SPTAN1: variants seen among roughly 807,000 people sequenced by gnomAD.
The protein encoded by SPTAN1 is spectrin alpha chain, non-erythrocytic 1.
A neutral mutation model predicts 331.3 loss-of-function variants in SPTAN1; 61 were observed. The observed-to-expected ratio is 0.18, with a 90% CI of 0.15 to 0.23. SPTAN1 has a LOEUF of 0.23. Ranked by LOEUF, SPTAN1 falls within the 10% of genes least tolerant of loss-of-function variation. SPTAN1 has a pLI of 1.00. For synonymous variants in SPTAN1, 1,153 were observed against 1,173.9 expected, an observed-to-expected ratio of 0.98 and a Z score of 0.36; for missense variants, 2,043 against 3,147.9, an observed-to-expected ratio of 0.65 and a Z score of 8.40.
At chr9:128,573,614 G>C (rs1429649456) in intron 3 of SPTAN1, among the ~76,000 whole-genome samples, 1 of 150,180 alleles carries the variant, frequency 6.7e-6, no homozygotes. Flanking sequence ...GTGCCACCAT[G>C]CCCGGCTAAT....
intron 1 of SPTAN1, among the ~76,000 whole-genome samples, chr9:128,557,799 C>CTTTTTTTT: frequency 1.2e-5 from 1 of 85,006 alleles, no homozygotes; most frequent in Non-Finnish European, 2.2e-5. Flanking sequence ...TTAGAAATTT[C>CTTTTTTTT]TTTTTTTTTT....
intron 23 of SPTAN1, 119 bp from the exon 24 acceptor site, chr9:128,594,056 A>T: frequency 1.1e-6 from 1 of 932,450 alleles, no homozygotes. Context: ...GGGCATCATC[A>T]TTACAAACTC....
At chr9:128,555,620 C>CT (rs751209866) in intron 1 of SPTAN1, among the ~76,000 whole-genome samples, 132 of 49,436 alleles carry the variant, frequency 2.7e-3, no homozygotes, top group African/African-American at 5.2e-3. Context: ...TTTGCAAAGC[C>CT]TTTTTTTTTT....
At position 128,605,397 on chromosome 9, in the gene SPTAN1, C is replaced by T. The variant is rs766479818; in HGVS notation, c.3966C>T (p.Ser1322=). 1 of 1,614,208 alleles carries T rather than the reference C, an allele frequency of 6.2e-7. No homozygotes were observed. The highest frequency in any genetic ancestry group is 8.5e-7 in the Non-Finnish European group (1 of 1,180,046). Reference sequence around the variant, plus strand: ...GCACAGAGTTAAACCAGGCCTGGAGCAGCCTGGGGAAACGTGCAGATCAGC... The same window carrying T: ...GCACAGAGTTAAACCAGGCCTGGAGTAGCCTGGGGAAACGTGCAGATCAGC... ...EKCTELNQAW[S]SLGKRADQRK... The change falls in exon 31 of 57, where the codon AGC becomes AGT. Residue 1322 remains serine (S), a synonymous_variant. Coordinates refer to ENST00000372739, the MANE Select transcript of SPTAN1 (RefSeq NM_001130438.3).
Position 128,576,879 on chromosome 9 carries a change from C to G in SPTAN1, c.708C>G (p.Ala236=), listed in dbSNP as rs1004400579. The G allele has an allele frequency of 1.9e-6, 3 of 1,614,126 alleles. No homozygotes were observed. The East Asian group carries it at 6.7e-5, about 36-fold the overall frequency. ...IKTKQDEVNA[A]WQRLKGLALQ... is the part of the protein sequence containing the mutation. Reference sequence around the variant, plus strand: ...CTAAGCAGGATGAAGTCAATGCAGCCTGGCAGCGGCTGAAGGGCCTGGCTC... The same window carrying G: ...CTAAGCAGGATGAAGTCAATGCAGCGTGGCAGCGGCTGAAGGGCCTGGCTC... The change falls in exon 6 of 57, where the codon GCC becomes GCG. Residue 236 remains alanine, a synonymous_variant. Transcript: ENST00000372739.
intron 3 of SPTAN1, among the ~76,000 whole-genome samples, chr9:128,574,408 A>G (rs1236237851): frequency 6.6e-6 from 1 of 151,256 alleles, no homozygotes; most frequent in African/African-American, 2.4e-5. Flanking sequence ...GATTTTCCTG[A>G]TGTAAACTAG....
chr9:128,570,724 C>T (rs1178754684), intron 3 of SPTAN1, among the ~76,000 whole-genome samples: 1 of 147,636 alleles, frequency 6.8e-6, no homozygotes, highest in Non-Finnish European at 1.5e-5. Context: ...TGGCACGATC[C>T]CGGCTCACTG....
chr9:128,630,241 C>A, intron 51 of SPTAN1, 80 bp from the exon 52 acceptor site: 1 of 1,500,128 alleles, frequency 6.7e-7, no homozygotes, highest in Non-Finnish European at 9.3e-7. Flanking sequence ...CCAGGCATTG[C>A]TCTCTCTGAG....
chr9:128,565,764 A>G (rs1999831), intron 1 of SPTAN1, among the ~76,000 whole-genome samples: 148,080 of 152,338 alleles, frequency 0.97, 72,121 homozygotes, highest in East Asian at 1. Flanking sequence ...GGGTAACACA[A>G]TTTTATACCT....
chr9:128,594,078 TC>T, intron 23 of SPTAN1, 96 bp from the exon 24 acceptor site: 1 of 1,155,244 alleles, frequency 8.7e-7, no homozygotes, highest in Non-Finnish European at 1.3e-6. Flanking sequence ...TAGCCTGGAA[TC>T]CACATCTTGG....
At position 128,632,111 on chromosome 9, in the gene SPTAN1, C is replaced by T. The variant is rs768310260; in HGVS notation, c.6763-16C>T. 9 of 1,612,052 alleles carry T rather than the reference C, an allele frequency of 5.6e-6. No homozygotes were observed. Among genetic ancestry groups the T allele is most frequent in the Non-Finnish European group, 7.6e-6 (9 of 1,179,624 alleles). On this transcript the variant is annotated splice_polypyrimidine_tract_variant and intron_variant, in intron 52 of 56. Coordinates refer to ENST00000372739, the MANE Select transcript of SPTAN1 (RefSeq NM_001130438.3). The stretch of plus-strand genomic sequence containing the variant: ...GAGGGCCCCCGTCTGAGCATCTGTG[C>T]TCCCCACCCCTGCAGCGCAAGCACC...
rs755502313 is a variant in SPTAN1, at chr9:128,584,529, A to G, written c.2437+4A>G. On this transcript the variant is annotated splice_donor_region_variant and intron_variant, in intron 17 of 56. Coordinates refer to ENST00000372739, the MANE Select transcript of SPTAN1 (RefSeq NM_001130438.3). Reference sequence around the variant, plus strand: ...ATTGCCGCATCTACCAACAGAGGTCAGTCTGCTTCCCTCAGGTAGGAATCA... The same window carrying G: ...ATTGCCGCATCTACCAACAGAGGTCGGTCTGCTTCCCTCAGGTAGGAATCA... The G allele has an allele frequency of 6.2e-7, 1 of 1,614,048 alleles. No homozygotes were observed. The highest frequency in any genetic ancestry group is 8.5e-7 in the Non-Finnish European group (1 of 1,180,026).
At chr9:128,571,977 C>T (rs572986011) in intron 3 of SPTAN1, among the ~76,000 whole-genome samples, 20 of 152,330 alleles carry the variant, frequency 1.3e-4, no homozygotes, top group African/African-American at 4.6e-4. Flanking sequence ...CCACCTCAGC[C>T]TCCCGAGTAG....
chr9:128,600,252 C>G (rs1480503964), intron 27 of SPTAN1, 137 bp downstream of exon 27: 4 of 941,020 alleles, frequency 4.3e-6, no homozygotes, highest in Non-Finnish European at 6.8e-6. Context: ...TGGTTTCTTT[C>G]TGAATCTGTT....
At chr9:128,580,793 C>G (rs889295599) in intron 10 of SPTAN1, 129 bp from the exon 11 acceptor site, 18 of 1,320,044 alleles carry the variant, frequency 1.4e-5, no homozygotes, top group South Asian at 9.7e-5. Flanking sequence ...TGTTTTTCCC[C>G]TTTTGCAAAT....
chr9:128,603,550 G>A lies in SPTAN1; in HGVS notation c.3587G>A (p.Arg1196His), dbSNP rs781124530. 7 of 1,614,056 alleles carry A rather than the reference G, an allele frequency of 4.3e-6. No individual in the cohort carries two copies. The highest frequency in any genetic ancestry group is 1.3e-5 in the African/African-American group (1 of 74,938). Residue 1196 changes from arginine (R) to histidine (H), a missense_variant, in exon 28 of 57, where the codon CGT (arginine) becomes CAT (histidine). Arg to His is a conservative substitution (Grantham distance 29). Coordinates refer to ENST00000372739, the MANE Select transcript of SPTAN1 (RefSeq NM_001130438.3). Reference protein sequence around the residue: ...SKTASPWKSARLMVHTVATFN... With the variant: ...SKTASPWKSAHLMVHTVATFN... ...GCTTTCCTCCCTACCTAGTCTGCTC[G>A]TCTGATGGTTCACACCGTGGCCACC...
chr9:128,597,776 G>A (rs771838658), intron 24 of SPTAN1, among the ~76,000 whole-genome samples: 10 of 152,036 alleles, frequency 6.6e-5, no homozygotes, highest in East Asian at 1.9e-4. Context: ...TCAACCTCCC[G>A]AACAGCTGGG....
chr9:128,627,524 C>A lies in SPTAN1; in HGVS notation c.6689+26C>A. 1 of 1,535,574 alleles carries A rather than the reference C, an allele frequency of 6.5e-7. No homozygotes were observed. The highest frequency in any genetic ancestry group is 8.8e-7 in the Non-Finnish European group (1 of 1,132,998). On this transcript the variant is annotated intron_variant, in intron 50 of 56. Coordinates refer to ENST00000372739, the MANE Select transcript of SPTAN1 (RefSeq NM_001130438.3). The surrounding 1 kb of genome is among the most constrained non-coding windows in gnomAD (Gnocchi z 4.9). ...GTGCCAGCCCGCTGGGGCCGGGGAG[C>A]AGCAGCATGTCCCTGCTGTACTTAA...
intron 51 of SPTAN1, chr9:128,628,864 T>A (rs544070220): frequency 8.6e-6 from 3 of 348,210 alleles, no homozygotes; most frequent in Non-Finnish European, 1.5e-5. Flanking sequence ...CCCATGCCTG[T>A]GTCTGCTGGT....
Sources: allele counts gnomAD v4.1 joint callset (sites outside exome capture counted in the v4.1 genomes callset), GRCh38; gene constraint gnomAD v4.1.1; non-coding constraint Gnocchi (gnomAD v3.1); transcripts MANE v1.5; gene names NCBI Gene and HGNC (gene_info 2026-07-23, HGNC 2026-07-21).